The following MTMR12 variants were observed in gnomAD, a reference collection of about 807,000 sequenced individuals.
The protein encoded by MTMR12 is myotubularin-related protein 12.
In MTMR12, 33 loss-of-function variants were observed where a neutral mutation model predicts 96.7. The ratio of observed to expected loss-of-function variants is 0.34; its 90% confidence interval spans 0.26 to 0.46. The LOEUF is 0.46. Among genes scored for constraint, MTMR12 ranks in the 20% least tolerant of loss-of-function variants. The probability of loss-of-function intolerance (pLI) is 1.00; values close to 1 mark genes in which losing one functional copy is unlikely to be tolerated. For missense variants in MTMR12, 721 were observed against 896.1 expected, an observed-to-expected ratio of 0.80 and a Z score of 2.49; for synonymous variants, 298 against 327.2, an observed-to-expected ratio of 0.91 and a Z score of 0.96.
At chr5:32,263,270 A>G in intron 6 of MTMR12, 28 bp from the exon 7 acceptor site, 2 of 1,612,308 alleles carry the variant, frequency 1.2e-6, no homozygotes, top group Non-Finnish European at 1.7e-6. Context: ...AAAAGACAAT[A>G]AAATCTTTCC....
At position 32,230,134 on chromosome 5, in the gene MTMR12, G is replaced by A. The variant is rs1185278231; in HGVS notation, c.1888C>T (p.His630Tyr). The A allele has an allele frequency of 1.2e-6, 2 of 1,613,492 alleles. No homozygotes were observed. The highest frequency in any genetic ancestry group is 8.5e-7 in the Non-Finnish European group (1 of 1,179,544). Residue 630 changes from histidine (H) to tyrosine (Y), a missense_variant, in exon 16 of 16, where the codon CAT becomes TAT. Transcript: ENST00000382142. ...STDYHGLLLP[H>Y]IEGPEIKVWA... ...ACTTTGATTTCGGGCCCCTCGATAT[G>A]CGGTAACAACAAACCATGGTAGTCA...
chr5:32,298,787 AAATAC>A, intron 1 of MTMR12, among the ~76,000 whole-genome samples: 1 of 151,630 alleles, frequency 6.6e-6, no homozygotes, highest in Middle Eastern at 3.4e-3. Flanking sequence ...TCTCTACTAA[AAATAC>A]AAAAAAAAAA....
At chr5:32,300,963 T>A (rs1331214084) in intron 1 of MTMR12, among the ~76,000 whole-genome samples, 1 of 152,146 alleles carries the variant, frequency 6.6e-6, no homozygotes, top group African/African-American at 2.4e-5. Context: ...TAGTCCCAAC[T>A]ACTCAGAAGG....
intron 5 of MTMR12, among the ~76,000 whole-genome samples, chr5:32,270,017 A>G (rs769917398): frequency 6.6e-5 from 10 of 152,204 alleles, no homozygotes; most frequent in Non-Finnish European, 1.5e-4. Context: ...CTTAAAGGAA[A>G]TTAAGGAGTT....
chr5:32,235,007 A>G lies in MTMR12; in HGVS notation c.1467T>C (p.Phe489=), dbSNP rs1300543567. 1 of 1,613,776 alleles carries G rather than the reference A, an allele frequency of 6.2e-7. No homozygotes were observed. The highest frequency in any genetic ancestry group is 1.7e-5 in the Admixed American group (1 of 60,014). Residue 489 remains phenylalanine (F), a synonymous_variant, in exon 14 of 16, where the codon TTT becomes TTC. Coordinates refer to ENST00000382142, the MANE Select transcript of MTMR12 (RefSeq NM_001040446.3). ...VLSDSLYIPI[F]STFFFNSPHQ... is the part of the protein sequence containing the mutation. ...GAGGTGAATTGAAGAAGAAGGTGCT[A>G]AAAATAGGTATATACAGGCTATCTG...
chr5:32,239,336 G>GGGTT (rs942641531), intron 12 of MTMR12, among the ~76,000 whole-genome samples, 163 bp from the exon 13 acceptor site: 66 of 152,224 alleles, frequency 4.3e-4, no homozygotes, highest in African/African-American at 1.4e-3. Flanking sequence ...CAATAACAAA[G>GGGTT]GGTTATGTTT....
intron 11 of MTMR12, among the ~76,000 whole-genome samples, chr5:32,242,549 C>A (rs921890300): frequency 1.3e-5 from 2 of 152,032 alleles, no homozygotes; most frequent in Non-Finnish European, 2.9e-5. Context: ...CTCAGAAATC[C>A]TTTTTGTCTC....
intron 1 of MTMR12, among the ~76,000 whole-genome samples, chr5:32,298,219 G>C (rs1180003768): frequency 6.6e-6 from 1 of 152,170 alleles, no homozygotes; most frequent in African/African-American, 2.4e-5. Context: ...CTTGTGGTAG[G>C]TGGTTGCATG....
chr5:32,284,314 T>C (rs568157323), intron 1 of MTMR12, among the ~76,000 whole-genome samples: 1 of 108,690 alleles, frequency 9.2e-6, no homozygotes, highest in East Asian at 2.4e-4. Flanking sequence ...CAAGACCCTG[T>C]CTCAAAAAAA....
rs771612923 is a variant in MTMR12 at position 32,270,806 on chromosome 5, C to A, written c.489+11G>T. On this transcript the variant is annotated intron_variant, in intron 5 of 15. Transcript: ENST00000382142. The stretch of plus-strand genomic sequence containing the variant: ...GGGAAATAAAACCTAAAAACACATG[C>A]AACTAGTTACCCTTTTGACTTCCTC... The A allele has an allele frequency of 6.3e-7, 1 of 1,596,942 alleles. No homozygotes were observed. The highest frequency in any genetic ancestry group is 8.5e-7 in the Non-Finnish European group (1 of 1,173,594).
chr5:32,250,318 G>A (rs1748866974), intron 8 of MTMR12, among the ~76,000 whole-genome samples: 1 of 152,204 alleles, frequency 6.6e-6, no homozygotes, highest in South Asian at 2.1e-4. Context: ...GGGAGCTGAT[G>A]AGCCCAGCCA....
chr5:32,301,370 AGACT>A (rs1484635153), intron 1 of MTMR12, among the ~76,000 whole-genome samples: 1 of 152,192 alleles, frequency 6.6e-6, no homozygotes, highest in African/African-American at 2.4e-5. Flanking sequence ...CCAATACCAC[AGACT>A]GACTGACCCC....
At position 32,306,058 on chromosome 5, in the gene MTMR12, G is replaced by A. The variant is rs369749646; in HGVS notation, c.81+6700C>T. 2.2e-4 allele frequency among the ~76,000 whole-genome samples: 33 copies of A among 152,192 alleles called. No homozygotes were observed. The South Asian group carries it at 5.2e-3, about 24-fold the overall frequency. On this transcript the variant is annotated intron_variant, in intron 1 of 15. Transcript: ENST00000382142. ...TTACCTGGTTGACAATCTAGCAAAA[G>A]CCAAAAAAGAAATTGCTACTAGAGA... is the stretch of plus-strand genomic sequence containing the variant.
chr5:32,296,332 T>G, intron 1 of MTMR12: 1 of 161,390 alleles, frequency 6.2e-6, no homozygotes, highest in Non-Finnish European at 1.4e-5. Context: ...TGAACAAAAT[T>G]ACCTGGGCAT....
rs753142565 is a variant in MTMR12 at position 32,230,087 on chromosome 5, A to T, written c.1935T>A (p.Arg645=). 1 of 1,612,978 alleles carries T rather than the reference A, an allele frequency of 6.2e-7. No individual in the cohort carries two copies. The highest frequency in any genetic ancestry group is 8.5e-7 in the Non-Finnish European group (1 of 1,179,172). The change falls in exon 16 of 16, where the codon CGT becomes CGA. Residue 645 remains arginine, a synonymous_variant. Coordinates refer to ENST00000382142, the MANE Select transcript of MTMR12 (RefSeq NM_001040446.3). The stretch of plus-strand genomic sequence containing the variant: ...CTAGGATTTGGGCTTCTGGAATCCA[A>T]CGTAGGTAGCGCTGGGCCCAGACTT... The part of the protein sequence containing the change: ...EIKVWAQRYL[R]WIPEAQILGG...
chr5:32,295,952 G>A (rs553850579), intron 1 of MTMR12, among the ~76,000 whole-genome samples: 7 of 152,172 alleles, frequency 4.6e-5, no homozygotes, highest in African/African-American at 1.2e-4. Context: ...TTAGGAGTTC[G>A]AGACCGGCCT....
intron 1 of MTMR12, among the ~76,000 whole-genome samples, chr5:32,303,231 C>A (rs1022133830): frequency 6.6e-6 from 1 of 152,176 alleles, no homozygotes; most frequent in East Asian, 1.9e-4. Context: ...ATGGACATAT[C>A]ATTATTCCCA....
intron 15 of MTMR12, among the ~76,000 whole-genome samples, chr5:32,231,142 C>T (rs1346091571): frequency 6.6e-6 from 1 of 152,096 alleles, no homozygotes; most frequent in African/African-American, 2.4e-5. Context: ...GTAATCCTAG[C>T]ACTTTGGGAG....
chr5:32,304,922 C>T (rs965042513), intron 1 of MTMR12, among the ~76,000 whole-genome samples: 1 of 152,148 alleles, frequency 6.6e-6, no homozygotes, highest in Non-Finnish European at 1.5e-5. Flanking sequence ...GATCATCGGG[C>T]TAAAGCCACA....
Sources: gnomAD v4.1 joint callset for allele counts (sites outside exome capture counted in the v4.1 genomes callset) on GRCh38, gnomAD v4.1.1 for gene constraint, MANE v1.5 for transcripts, NCBI Gene and HGNC (gene_info 2026-07-23, HGNC 2026-07-21) for gene names.